The following DLGAP3 variants were observed in gnomAD, a reference collection of about 807,000 sequenced individuals.
The protein encoded by DLGAP3 is DLG associated protein 3.
Under a neutral mutation model 81.2 loss-of-function variants are expected in DLGAP3, and 17 were observed. That is an observed-to-expected ratio of 0.21 (90% CI 0.14 to 0.31). DLGAP3 has a LOEUF of 0.31. Among genes scored for constraint, DLGAP3 ranks in the 10% least tolerant of loss-of-function variants. The pLI, the probability that DLGAP3 is intolerant of heterozygous loss-of-function variation, is 1.00. For synonymous variants in DLGAP3, 577 were observed against 587.4 expected, an observed-to-expected ratio of 0.98 and a Z score of 0.26; for missense variants, 1,124 against 1,388.0, an observed-to-expected ratio of 0.81 and a Z score of 3.02.
intron 11 of DLGAP3, 146 bp from the exon 12 acceptor site, chr1:34,866,447 C>T: frequency 1.4e-6 from 1 of 693,980 alleles, no homozygotes; most frequent in East Asian, 2.8e-5. Context: ...ATCCCGTGAC[C>T]TGAAGCCCCA....
At position 34,902,405 on chromosome 1, in the gene DLGAP3, G is replaced by A. The variant is rs1175119625; in HGVS notation, c.1107+1872C>T. ...GATGAGGCTCCATAAAGAAACAGGG[G>A]CTCAGAGTGGACAGAGGGATCCTGG... is the stretch of plus-strand genomic sequence containing the variant. On this transcript the variant is annotated intron_variant, in intron 3 of 11. Coordinates refer to ENST00000373347, the MANE Select transcript of DLGAP3 (RefSeq NM_001080418.3). This position sits in a 1 kb window ranked among gnomAD's most constrained non-coding sequence, Gnocchi z 4.4. 6.6e-6 allele frequency among the ~76,000 whole-genome samples: 1 copy of A among 152,116 alleles called. No individual in the cohort carries two copies. Among genetic ancestry groups the A allele is most frequent in the East Asian group, 1.9e-4 (1 of 5,180 alleles).
At chr1:34,920,605 G>A in intron 1 of DLGAP3, among the ~76,000 whole-genome samples, 1 of 152,106 alleles carries the variant, frequency 6.6e-6, no homozygotes, top group East Asian at 1.9e-4. Context: ...TCTACATCAG[G>A]CCACTCTTAT....
chr1:34,867,423 C>T lies in DLGAP3; in HGVS notation c.2577+113G>A. The T allele has an allele frequency of 9.2e-7, 1 of 1,090,460 alleles. No individual in the cohort carries two copies. The highest frequency in any genetic ancestry group is 1.4e-6 in the Non-Finnish European group (1 of 705,176). The allele number at this position is 1,090,460 out of a possible 1,614,324, so 67.5% of individuals were successfully genotyped here. A position where few individuals can be genotyped will look rare whatever the true frequency, so the allele number is the denominator to read the frequency against. On this transcript the variant is annotated intron_variant, in intron 10 of 11. Coordinates refer to ENST00000373347, the MANE Select transcript of DLGAP3 (RefSeq NM_001080418.3). The surrounding 1 kb of genome is among the most constrained non-coding windows in gnomAD (Gnocchi z 4.3). ...CAGCTACCCCAGAAGGCATGCAGGCCTGGTCTCACCTCTGGTACACACTCA... is the reference window on the plus strand; with the variant it reads ...CAGCTACCCCAGAAGGCATGCAGGCTTGGTCTCACCTCTGGTACACACTCA...
chr1:34,903,666 A>G (rs920724533), intron 3 of DLGAP3, among the ~76,000 whole-genome samples: 6 of 152,190 alleles, frequency 3.9e-5, no homozygotes, highest in African/African-American at 7.2e-5. Flanking sequence ...CCTGAATTGT[A>G]TCAGGGCTGA....
intron 1 of DLGAP3, among the ~76,000 whole-genome samples, chr1:34,918,971 C>T (rs951015541): frequency 1.6e-4 from 24 of 152,182 alleles, no homozygotes; most frequent in Non-Finnish European, 3.2e-4. Flanking sequence ...TGCTGTGATG[C>T]CTCCTCTCCT....
intron 1 of DLGAP3, among the ~76,000 whole-genome samples, chr1:34,908,435 G>C (rs1639591633): frequency 6.6e-6 from 1 of 152,246 alleles, no homozygotes; most frequent in Non-Finnish European, 1.5e-5. Flanking sequence ...AGCACAGGGA[G>C]AAGAGGTGTG....
At chr1:34,909,622 C>CA (rs1639610945) in intron 1 of DLGAP3, among the ~76,000 whole-genome samples, 1 of 152,162 alleles carries the variant, frequency 6.6e-6, no homozygotes, top group Non-Finnish European at 1.5e-5. Context: ...TTACTGGGAG[C>CA]AGGAGATATC....
intron 3 of DLGAP3, among the ~76,000 whole-genome samples, chr1:34,901,547 G>A (rs1230239011): frequency 2.0e-5 from 3 of 152,218 alleles, no homozygotes; most frequent in Non-Finnish European, 2.9e-5. Flanking sequence ...CCTTGTCTGC[G>A]AGTTGGTCAT....
At chr1:34,885,391 A>G in intron 7 of DLGAP3, 87 bp downstream of exon 7, 1 of 1,405,758 alleles carries the variant, frequency 7.1e-7, no homozygotes, top group South Asian at 1.2e-5. Flanking sequence ...AAGAATGTCG[A>G]TATATCCAGA....
At chr1:34,893,845 C>G (rs966669325) in intron 5 of DLGAP3, among the ~76,000 whole-genome samples, 1 of 152,068 alleles carries the variant, frequency 6.6e-6, no homozygotes, top group African/African-American at 2.4e-5. Flanking sequence ...AAAGAAGGAA[C>G]AGAGGATCAA....
chr1:34,925,406 T>G (rs1401616528), intron 1 of DLGAP3: 2 of 152,044 alleles, frequency 1.3e-5, no homozygotes, highest in East Asian at 3.9e-4. Context: ...ACAGATGTGG[T>G]GGGGGGAGGC....
In DLGAP3 at chr1:34,885,677, G is replaced by A. The variant is rs1383040165; in HGVS notation, c.1715C>T (p.Ala572Val). Reference sequence around the variant, plus strand: ...GCTGCAGCGCCGGGCGGGGCCCTCGGCCGCCGTGAAGCTCTCGTGCGCGGA... The same window carrying A: ...GCTGCAGCGCCGGGCGGGGCCCTCGACCGCCGTGAAGCTCTCGTGCGCGGA... ...TDSAHESFTAAEGPARRCSSA... is the reference protein window; with the variant it reads ...TDSAHESFTAVEGPARRCSSA... Residue 572 changes from alanine to valine, a missense_variant, in exon 7 of 12, where the codon GCC (alanine) becomes GTC (valine). Around this residue, in one of 9 missense-constraint regions of DLGAP3, gnomAD observed 379 missense variants for 455.7 expected, o/e 0.83. Transcript: ENST00000373347. The A allele has an allele frequency of 1.4e-6, 2 of 1,407,698 alleles. No homozygotes were observed. Among genetic ancestry groups the A allele is most frequent in the Non-Finnish European group, 1.8e-6 (2 of 1,090,152 alleles). The allele number at this position is 1,407,698 out of a possible 1,614,324, so 87.2% of individuals were successfully genotyped here.
intron 5 of DLGAP3, among the ~76,000 whole-genome samples, chr1:34,887,529 CAAGA>C (rs1287201243): frequency 6.6e-6 from 1 of 152,094 alleles, no homozygotes; most frequent in East Asian, 1.9e-4. Flanking sequence ...ATTCACATTA[CAAGA>C]GAGAACTGGT....
At chr1:34,880,968 C>A (rs1041381136) in intron 8 of DLGAP3, among the ~76,000 whole-genome samples, 2 of 152,226 alleles carry the variant, frequency 1.3e-5, no homozygotes, top group Admixed American at 6.5e-5. Context: ...TATAGGCAAC[C>A]TTTACCAAAC....
At chr1:34,897,111 C>G (rs1056289030) in intron 5 of DLGAP3, among the ~76,000 whole-genome samples, 13 of 149,550 alleles carry the variant, frequency 8.7e-5, no homozygotes, top group Non-Finnish European at 1.6e-4. Context: ...AAATACTAAA[C>G]GAAAAAAAAA....
In DLGAP3 at chr1:34,873,801, C is replaced by A. The variant is rs555295558; in HGVS notation, c.2001-4712G>T. ...ATAAGTGTCTCCTCACTAAATAGGG[C>A]AGTTCATCACACTGGTTGGTTGGTT... On this transcript the variant is annotated intron_variant, in intron 8 of 11. Transcript: ENST00000373347. The surrounding 1 kb of genome is among the most constrained non-coding windows in gnomAD (Gnocchi z 4.2). Among the ~76,000 whole-genome samples, 5 of 151,712 alleles carry A rather than the reference C, an allele frequency of 3.3e-5. No individual in the cohort carries two copies. Among genetic ancestry groups the A allele is most frequent in the South Asian group, 2.1e-4 (1 of 4,804 alleles).
chr1:34,878,527 A>C (rs1229524027), intron 8 of DLGAP3, among the ~76,000 whole-genome samples: 1 of 152,206 alleles, frequency 6.6e-6, no homozygotes, highest in Non-Finnish European at 1.5e-5. Flanking sequence ...CCAAGAAGAT[A>C]CAACAATCAT....
At chr1:34,903,469 C>T (rs373750626) in intron 3 of DLGAP3, among the ~76,000 whole-genome samples, 20 of 152,224 alleles carry the variant, frequency 1.3e-4, no homozygotes, top group East Asian at 5.8e-4. Context: ...CTTGTATTGA[C>T]TTTTTCTCCT....
In DLGAP3 at chr1:34,866,033, G is replaced by C; in HGVS notation, c.*50C>G. On this transcript the variant is annotated 3_prime_UTR_variant, in exon 12 of 12. Coordinates refer to ENST00000373347, the MANE Select transcript of DLGAP3 (RefSeq NM_001080418.3). The stretch of plus-strand genomic sequence containing the variant: ...CAGTGACCTCGACGCTGGGTGTACA[G>C]TACGGGTGGAGAACCGCGGGCCCGG... The C allele has an allele frequency of 2.0e-6, 3 of 1,499,828 alleles. No homozygotes were observed. Among genetic ancestry groups the C allele is most frequent in the Admixed American group, 1.8e-5 (1 of 54,726 alleles). 92.9% of individuals were successfully genotyped at this position (1,499,828 alleles called of 1,614,324 possible). A position where few individuals can be genotyped will look rare whatever the true frequency, so the allele number is the denominator to read the frequency against.
Sources: gnomAD v4.1 joint callset for allele counts (sites outside exome capture counted in the v4.1 genomes callset) on GRCh38, gnomAD v4.1.1 for gene constraint, gnomAD v4.1.1 regional missense constraint, Gnocchi (gnomAD v3.1) non-coding constraint, MANE v1.5 for transcripts, NCBI Gene and HGNC (gene_info 2026-07-23, HGNC 2026-07-21) for gene names.